The following RIMS2 variants were observed in gnomAD, a reference collection of about 807,000 sequenced individuals.
The protein encoded by RIMS2 is regulating synaptic membrane exocytosis protein 2.
In RIMS2, 59 loss-of-function variants were observed where a neutral mutation model predicts 174.4. The observed-to-expected ratio is 0.34, with a 90% confidence interval of 0.27 to 0.42. The LOEUF (loss-of-function observed/expected upper bound fraction) is 0.42, where lower values mean the gene tolerates loss of function less well. RIMS2 is among the 10% of genes least tolerant of loss of function. RIMS2 has a pLI of 1.00. For missense variants in RIMS2, 1,620 were observed against 1,666.3 expected (o/e 0.97, Z 0.48); for synonymous variants, 606 against 572.5 (o/e 1.06, Z -0.84).
intron 1 of RIMS2, among the ~76,000 whole-genome samples, chr8:103,620,429 C>G (rs1405279812): frequency 6.6e-6 from 1 of 151,530 alleles, no homozygotes; most frequent in Non-Finnish European, 1.5e-5. Context: ...CATTTAAAAG[C>G]TATAATTTAA....
intron 2 of RIMS2, among the ~76,000 whole-genome samples, chr8:103,759,894 T>C (rs2098089798): frequency 6.6e-6 from 1 of 152,134 alleles, no homozygotes; most frequent in Admixed American, 6.5e-5. Flanking sequence ...GCAGGTTGTG[T>C]AGCAGCATAA....
At chr8:103,883,782 G>C (rs2099183211) in intron 3 of RIMS2, among the ~76,000 whole-genome samples, 1 of 151,784 alleles carries the variant, frequency 6.6e-6, no homozygotes, top group Non-Finnish European at 1.5e-5. Context: ...TTGGCTAGCA[G>C]ATGGGCAGAT....
intron 10 of RIMS2, among the ~76,000 whole-genome samples, chr8:103,925,077 T>A (rs2154530405): frequency 6.6e-6 from 1 of 151,718 alleles, no homozygotes; most frequent in African/African-American, 2.4e-5. Context: ...TAGTTTTAAT[T>A]AGTTTGTAGT....
chr8:103,962,269 C>T (rs901811712), intron 15 of RIMS2, among the ~76,000 whole-genome samples: 1 of 151,918 alleles, frequency 6.6e-6, no homozygotes, highest in African/African-American at 2.4e-5. Context: ...TTAAGTTTTT[C>T]CCTCCTATAA....
At chr8:103,875,696 AT>A (rs2099132944) in intron 3 of RIMS2, among the ~76,000 whole-genome samples, 1 of 152,072 alleles carries the variant, frequency 6.6e-6, no homozygotes, top group Non-Finnish European at 1.5e-5. Context: ...ACTGTTTTCC[AT>A]AGAGGCTGTA....
chr8:103,866,393 A>G (rs1231760545), intron 3 of RIMS2, among the ~76,000 whole-genome samples: 2 of 152,154 alleles, frequency 1.3e-5, no homozygotes, highest in Non-Finnish European at 1.5e-5. Context: ...TAAAACAATT[A>G]CTTGAATCTC....
At chr8:103,709,629 C>T (rs971897342) in intron 2 of RIMS2, among the ~76,000 whole-genome samples, 7 of 152,106 alleles carry the variant, frequency 4.6e-5, no homozygotes, top group African/African-American at 1.7e-4. Flanking sequence ...TCCAGTCTTG[C>T]TGGTAGGAAC....
intron 1 of RIMS2, among the ~76,000 whole-genome samples, chr8:103,581,753 G>A (rs1396383404): frequency 6.6e-6 from 1 of 152,162 alleles, no homozygotes; most frequent in Admixed American, 6.5e-5. Context: ...GCAAGATGGT[G>A]GATAGAAGCC....
chr8:103,587,580 AT>A (rs1235754626), intron 1 of RIMS2, among the ~76,000 whole-genome samples: 2 of 152,050 alleles, frequency 1.3e-5, no homozygotes, highest in East Asian at 3.8e-4. Context: ...ACAAAATGGA[AT>A]TTATCCCTGG....
At chr8:104,191,080 C>T (rs1452842480) in intron 19 of RIMS2, among the ~76,000 whole-genome samples, 2 of 151,972 alleles carry the variant, frequency 1.3e-5, no homozygotes, top group East Asian at 3.9e-4. Context: ...AATCATTATA[C>T]ATTTTTGGAG....
At chr8:103,847,756 G>T (rs1390911998) in intron 3 of RIMS2, among the ~76,000 whole-genome samples, 1 of 151,998 alleles carries the variant, frequency 6.6e-6, no homozygotes, top group Non-Finnish European at 1.5e-5. Flanking sequence ...TTGGGGAGGG[G>T]TCTGTGATTG....
intron 3 of RIMS2, among the ~76,000 whole-genome samples, chr8:103,850,398 T>C (rs1022951548): frequency 2.0e-5 from 3 of 151,998 alleles, no homozygotes; most frequent in African/African-American, 4.8e-5. Flanking sequence ...TACTCCATCA[T>C]GATCAGAGTC....
chr8:104,044,112 A>T (rs1163064764), intron 19 of RIMS2, among the ~76,000 whole-genome samples: 1 of 151,620 alleles, frequency 6.6e-6, no homozygotes, highest in African/African-American at 2.4e-5. Context: ...AAGGGTCAAC[A>T]TTCCATTCAT....
At chr8:103,672,861 T>G (rs1262693243) in intron 1 of RIMS2, among the ~76,000 whole-genome samples, 1 of 152,120 alleles carries the variant, frequency 6.6e-6, no homozygotes, top group Non-Finnish European at 1.5e-5. Flanking sequence ...TTGTTTAAAG[T>G]CCAAAGTCCG....
At chr8:103,952,866 A>C (rs1438110164) in intron 14 of RIMS2, among the ~76,000 whole-genome samples, 1 of 152,206 alleles carries the variant, frequency 6.6e-6, no homozygotes, top group East Asian at 1.9e-4. Flanking sequence ...AGAACCTTGA[A>C]AAAAGGTTAG....
At chr8:104,107,984 G>T (rs1252160107) in intron 19 of RIMS2, among the ~76,000 whole-genome samples, 1 of 142,914 alleles carries the variant, frequency 7.0e-6, no homozygotes, top group South Asian at 2.2e-4. Context: ...CCCCACAATG[G>T]AAATAAACTA....
intron 19 of RIMS2, among the ~76,000 whole-genome samples, chr8:104,063,625 A>AT (rs2097047849): frequency 6.6e-6 from 1 of 152,062 alleles, no homozygotes; most frequent in African/African-American, 2.4e-5. Flanking sequence ...CAAATTTCTA[A>AT]TTTTCTCCTG....
intron 11 of RIMS2, chr8:103,928,002 T>C (rs1565361166): frequency 1.3e-6 from 1 of 744,116 alleles, no homozygotes; most frequent in Non-Finnish European, 2.2e-6. Flanking sequence ...CCAAATCATA[T>C]TATTGACTTT....
At chr8:103,858,628 T>G (rs893893014) in intron 3 of RIMS2, among the ~76,000 whole-genome samples, 55 of 151,502 alleles carry the variant, frequency 3.6e-4, no homozygotes, top group African/African-American at 1.3e-3. Context: ...TATATATATA[T>G]TTCTCCTAGC....
Sources: allele counts gnomAD v4.1 joint callset (sites outside exome capture counted in the v4.1 genomes callset), GRCh38; gene constraint gnomAD v4.1.1; transcripts MANE v1.5; gene names NCBI Gene and HGNC (gene_info 2026-07-23, HGNC 2026-07-21).